ARHGAP26: variants seen among roughly 807,000 people sequenced by gnomAD.
ARHGAP26 encodes the protein rho GTPase-activating protein 26.
ARHGAP26 carries 38 observed loss-of-function variants against 104.8 expected under a neutral mutation model. The observed-to-expected ratio is 0.36, with a 90% CI of 0.28 to 0.48. The LOEUF is 0.48. Ranked by LOEUF, ARHGAP26 falls within the 20% of genes least tolerant of loss-of-function variation. The probability of loss-of-function intolerance (pLI) is 0.99; values close to 1 mark genes in which losing one functional copy is unlikely to be tolerated. For missense variants in ARHGAP26, 704 were observed against 947.9 expected (o/e 0.74, Z 3.38); for synonymous variants, 341 against 340.0 (o/e 1.00, Z -0.03).
chr5:143,022,645 G>A (rs245820), intron 12 of ARHGAP26, among the ~76,000 whole-genome samples: 29,364 of 152,056 alleles, frequency 0.19, 3,199 homozygotes, highest in South Asian at 0.33. Flanking sequence ...TAGTCTAAAT[G>A]GGATGGCATG....
At chr5:143,150,653 C>T (rs1799741689) in intron 20 of ARHGAP26, among the ~76,000 whole-genome samples, 1 of 152,204 alleles carries the variant, frequency 6.6e-6, no homozygotes, top group South Asian at 2.1e-4. Flanking sequence ...AAGACTTGAA[C>T]AAACCTTTAA....
intron 20 of ARHGAP26, 57 bp from the exon 21 acceptor site, chr5:143,207,141 G>A (rs764970396): frequency 1.3e-6 from 2 of 1,582,098 alleles, no homozygotes; most frequent in Non-Finnish European, 1.7e-6. Flanking sequence ...GACCTCCTGT[G>A]CTCCCATTGT....
chr5:143,173,025 T>A (rs535887464), intron 20 of ARHGAP26: 1 of 179,474 alleles, frequency 5.6e-6, no homozygotes, highest in Non-Finnish European at 1.2e-5. Flanking sequence ...GGGAAGGTAG[T>A]ATTCCGTGTA....
chr5:143,145,182 G>T (rs1799014387), intron 19 of ARHGAP26, among the ~76,000 whole-genome samples: 1 of 152,188 alleles, frequency 6.6e-6, no homozygotes, highest in Non-Finnish European at 1.5e-5. Flanking sequence ...CTTTTAGCAA[G>T]ATATTGTTTT....
At chr5:143,210,708 C>G (rs977058335) in intron 21 of ARHGAP26, among the ~76,000 whole-genome samples, 2 of 152,232 alleles carry the variant, frequency 1.3e-5, no homozygotes, top group African/African-American at 4.8e-5. Flanking sequence ...GGTCCCACCT[C>G]CCTGTAGTGC....
At chr5:142,958,931 AG>A (rs1455690277) in intron 11 of ARHGAP26, among the ~76,000 whole-genome samples, 1 of 151,106 alleles carries the variant, frequency 6.6e-6, no homozygotes, top group Non-Finnish European at 1.5e-5. Flanking sequence ...AAAAAAAAAA[AG>A]AAAGGAAAAT....
chr5:143,065,632 A>G (rs1787368684), intron 17 of ARHGAP26, among the ~76,000 whole-genome samples: 1 of 152,180 alleles, frequency 6.6e-6, no homozygotes, highest in South Asian at 2.1e-4. Flanking sequence ...TTCGCACATC[A>G]GGTTTTCTTG....
chr5:142,806,834 C>T (rs754521152), intron 1 of ARHGAP26, among the ~76,000 whole-genome samples: 1 of 152,164 alleles, frequency 6.6e-6, no homozygotes, highest in South Asian at 2.1e-4. Flanking sequence ...GGATTTCTTA[C>T]GCATATTTGG....
In ARHGAP26 at chr5:143,100,505, G is replaced by A. The variant is rs78763341; in HGVS notation, c.1539-20483G>A. ...AGTAGTTTTACACCAACATCCCGTA[G>A]ATGTGGGATTTACAACTGGACATTG... On this transcript the variant is annotated intron_variant, in intron 17 of 22. Transcript: ENST00000645722. Among the ~76,000 whole-genome samples, 1,195 of 152,352 alleles carry A rather than the reference G, an allele frequency of 7.8e-3. 15 individuals carry two copies. The highest frequency in any genetic ancestry group is 0.027 in the African/African-American group (1,113 of 41,582).
chr5:142,934,600 G>A (rs1352469330), intron 11 of ARHGAP26, among the ~76,000 whole-genome samples: 1 of 152,188 alleles, frequency 6.6e-6, no homozygotes, highest in Non-Finnish European at 1.5e-5. Flanking sequence ...TCTCCCTAAT[G>A]AGTTAAATCT....
chr5:143,107,230 G>A (rs757816066), intron 17 of ARHGAP26, among the ~76,000 whole-genome samples: 1 of 152,162 alleles, frequency 6.6e-6, no homozygotes, highest in Non-Finnish European at 1.5e-5. Flanking sequence ...CTGTGAATAA[G>A]AGCATGGTGG....
chr5:142,816,431 A>T (rs115844879), intron 1 of ARHGAP26, among the ~76,000 whole-genome samples: 275 of 152,352 alleles, frequency 1.8e-3, no homozygotes, highest in African/African-American at 6.3e-3. Context: ...AACACAATTA[A>T]ATAGTGCCAT....
chr5:143,075,937 A>G (rs950967737), intron 17 of ARHGAP26, among the ~76,000 whole-genome samples: 3 of 151,232 alleles, frequency 2.0e-5, no homozygotes, highest in Non-Finnish European at 4.4e-5. Context: ...GGGCTCAAAC[A>G]GTCCACCCAC....
intron 1 of ARHGAP26, among the ~76,000 whole-genome samples, chr5:142,785,554 G>T (rs921987528): frequency 2.6e-5 from 4 of 152,126 alleles, no homozygotes; most frequent in African/African-American, 9.7e-5. Context: ...CTTGAGAATG[G>T]GTACCCCAAA....
Position 142,815,490 on chromosome 5 carries a change from G to A in ARHGAP26, c.154+44575G>A, listed in dbSNP as rs151256888. Among the ~76,000 whole-genome samples the A allele has an allele frequency of 7.9e-5, 12 of 152,294 alleles. No individual in the cohort carries two copies. The East Asian group carries it at 2.1e-3, about 27-fold the overall frequency. ...TTTTTTAAGTTATATTTTGTGTTTTGTTATAAATCTAAGGTTGGTTAGTTT... is the reference window on the plus strand; with the variant it reads ...TTTTTTAAGTTATATTTTGTGTTTTATTATAAATCTAAGGTTGGTTAGTTT... On this transcript the variant is annotated intron_variant, in intron 1 of 22. Coordinates refer to ENST00000645722, the MANE Select transcript of ARHGAP26 (RefSeq NM_001135608.3).
chr5:143,036,893 T>C (rs368081239), intron 12 of ARHGAP26, among the ~76,000 whole-genome samples: 1 of 152,252 alleles, frequency 6.6e-6, no homozygotes, highest in African/African-American at 2.4e-5. Context: ...TGTCACCTTA[T>C]GCTGCAGTTT....
chr5:142,869,687 A>G (rs1169942420), intron 1 of ARHGAP26, among the ~76,000 whole-genome samples: 2 of 152,186 alleles, frequency 1.3e-5, no homozygotes, highest in East Asian at 3.8e-4. Context: ...AAATGGCTTG[A>G]CTTGTGGTAT....
At chr5:143,040,242 A>G (rs1262308509) in intron 13 of ARHGAP26, among the ~76,000 whole-genome samples, 1 of 152,228 alleles carries the variant, frequency 6.6e-6, no homozygotes, top group East Asian at 1.9e-4. Flanking sequence ...AGGGACTCCT[A>G]GTCCGTGAAT....
intron 11 of ARHGAP26, among the ~76,000 whole-genome samples, chr5:142,937,363 T>C (rs153164): frequency 0.49 from 74,720 of 152,064 alleles, 22,642 homozygotes; most frequent in East Asian, 0.91. Context: ...TATCACCTTC[T>C]AGAATGACTA....
Sources: allele counts gnomAD v4.1 joint callset (sites outside exome capture counted in the v4.1 genomes callset), GRCh38; gene constraint gnomAD v4.1.1; transcripts MANE v1.5; gene names NCBI Gene and HGNC (gene_info 2026-07-23, HGNC 2026-07-21).